Variants in UNC45A observed in about 807,000 individuals in gnomAD.
UNC45A encodes protein unc-45 homolog A.
UNC45A carries 78 observed loss-of-function variants against 103.2 expected under a neutral mutation model. That is an observed-to-expected ratio of 0.76 (90% CI 0.63 to 0.91). The LOEUF (loss-of-function observed/expected upper bound fraction) is 0.91, where lower values mean the gene tolerates loss of function less well. Among genes scored for constraint, UNC45A ranks in the 40% least tolerant of loss-of-function variants. The probability of loss-of-function intolerance (pLI) is 0.00; values close to 1 mark genes in which losing one functional copy is unlikely to be tolerated. For synonymous variants in UNC45A, 495 were observed against 504.6 expected (o/e 0.98, Z 0.25); for missense variants, 1,193 against 1,224.8 (o/e 0.97, Z 0.39).
chr15:90,940,033 G>C (rs951541064), intron 5 of UNC45A, among the ~76,000 whole-genome samples: 6 of 152,354 alleles, frequency 3.9e-5, no homozygotes, highest in East Asian at 1.9e-4. Context: ...GCCACGCCCT[G>C]TGCCAGGAAC....
chr15:90,950,103 G>T (rs567745493), intron 15 of UNC45A, 51 bp from the exon 16 acceptor site: 8 of 1,523,230 alleles, frequency 5.3e-6, no homozygotes, highest in Non-Finnish European at 7.1e-6. Flanking sequence ...CCCGATGGTC[G>T]GGGTCTTACT....
At chr15:90,933,264 C>A (rs534211702), upstream of UNC45A, 1 of 152,334 alleles carries the variant, frequency 6.6e-6, no homozygotes, top group African/African-American at 2.4e-5. Context: ...AGTCTCTAGG[C>A]ATCTTCTGTG....
upstream of UNC45A, chr15:90,930,784 A>G (rs1451976251): frequency 5.8e-6 from 1 of 173,778 alleles, no homozygotes; most frequent in Non-Finnish European, 1.3e-5. Context: ...TGTCACTGAC[A>G]AGGAAGCCAG....
chr15:90,934,238 C>T (rs1015708144), upstream of UNC45A: 4 of 399,246 alleles, frequency 1.0e-5, no homozygotes, highest in African/African-American at 8.2e-5. Flanking sequence ...GGCATCTTTT[C>T]TTCTGGTAGG....
At position 90,943,181 on chromosome 15, in the gene UNC45A, T is replaced by C. The variant is rs192790228; in HGVS notation, c.1027+99T>C. 19 of 1,403,372 alleles carry C rather than the reference T, an allele frequency of 1.4e-5. No individual in the cohort carries two copies. The East Asian group carries it at 4.1e-4, about 30-fold the overall frequency. 86.9% of individuals were successfully genotyped at this position (1,403,372 alleles called of 1,614,324 possible). On this transcript the variant is annotated intron_variant, in intron 8 of 19. Coordinates refer to ENST00000418476, the MANE Select transcript of UNC45A (RefSeq NM_018671.5). ...TGTGAGTGGGGCCAGGCATGGTGGA[T>C]GACACACTTTGAGAGGCAGGGGGTC...
Position 90,947,556 on chromosome 15 carries a change from C to T in UNC45A, c.1501-240C>T, listed in dbSNP as rs186825364. 51 of 555,500 alleles carry T rather than the reference C, an allele frequency of 9.2e-5. 1 individual carries two copies. Among genetic ancestry groups the T allele is most frequent in the African/African-American group, 8.3e-4 (44 of 53,180 alleles). 34.4% of individuals were successfully genotyped at this position (555,500 alleles called of 1,614,324 possible). A position where few individuals can be genotyped will look rare whatever the true frequency, so the allele number is the denominator to read the frequency against. ...GTGGCCTGGGAAGGGGTGGGGCCCA[C>T]GACTGTCCAGCGGCCAGCGCATCAG... On this transcript the variant is annotated intron_variant, in intron 10 of 19. Coordinates refer to ENST00000418476, the MANE Select transcript of UNC45A (RefSeq NM_018671.5).
chr15:90,947,893 G>C lies in UNC45A; in HGVS notation c.1595+3G>C. 6.2e-7 allele frequency: 1 copy of C among 1,612,822 alleles called. No individual in the cohort carries two copies. The highest frequency in any genetic ancestry group is 8.5e-7 in the Non-Finnish European group (1 of 1,179,388). ...AAACTGGCTAAGCAGTGTCGAAAGT[G>C]AGTCATCTGGCCTTGCTGTGGTTCC... On this transcript the variant is annotated splice_donor_region_variant and intron_variant, in intron 11 of 19. Transcript: ENST00000418476.
Position 90,949,863 on chromosome 15 carries a change from GT to G in UNC45A, c.2073+144del, listed in dbSNP as rs985099029. 104 of 931,286 alleles carry G rather than the reference GT, an allele frequency of 1.1e-4. No individual in the cohort carries two copies. In the Middle Eastern group the frequency reaches 1.3e-3, roughly 11 times the overall value. The allele number at this position is 931,286 out of a possible 1,614,324, so 57.7% of individuals were successfully genotyped here. A position where few individuals can be genotyped will look rare whatever the true frequency, so the allele number is the denominator to read the frequency against. On this transcript the variant is annotated intron_variant, in intron 15 of 19. Transcript: ENST00000418476. The stretch of plus-strand genomic sequence containing the variant: ...AGAGGAACACCGTCCCGCTGAGAGA[GT>G]GACGCGGAAGCAGGCAAGCTCCTTG...
chr15:90,946,961 T>G (rs1350091565), intron 10 of UNC45A, 47 bp downstream of exon 10: 2 of 1,566,030 alleles, frequency 1.3e-6, no homozygotes, highest in Admixed American at 1.7e-5. Context: ...CAGGCAGGGG[T>G]CCTGGTCCAG....
chr15:90,935,015 T>C, upstream of UNC45A: 1 of 553,728 alleles, frequency 1.8e-6, no homozygotes, highest in South Asian at 2.2e-5. Context: ...GTAGACCTCG[T>C]GCACTTCTGC....
At chr15:90,948,112 A>T in intron 11 of UNC45A, 30 bp from the exon 12 acceptor site, 3 of 1,612,536 alleles carry the variant, frequency 1.9e-6, no homozygotes, top group Middle Eastern at 1.7e-4. Context: ...CCCAATCCTG[A>T]GGGTCGTCCA....
upstream of UNC45A, chr15:90,935,229 A>G (rs1270346359): frequency 1.6e-6 from 2 of 1,265,042 alleles, no homozygotes; most frequent in Non-Finnish European, 2.2e-6. Flanking sequence ...CCTCCGACGC[A>G]AGAGTGGGGC....
upstream of UNC45A, chr15:90,931,432 T>C: frequency 6.2e-7 from 1 of 1,608,792 alleles, no homozygotes; most frequent in African/African-American, 1.3e-5. Context: ...AGAAACTTGC[T>C]AGCGTGATGT....
chr15:90,931,311 T>C, upstream of UNC45A: 3 of 1,551,202 alleles, frequency 1.9e-6, no homozygotes, highest in Non-Finnish European at 1.7e-6. Flanking sequence ...ACAGATGCTT[T>C]AGAGCCTCTT....
intron 13 of UNC45A, 69 bp from the exon 14 acceptor site, chr15:90,949,247 C>G: frequency 6.5e-7 from 1 of 1,549,842 alleles, no homozygotes; most frequent in Non-Finnish European, 8.7e-7. Flanking sequence ...TCAATTACTG[C>G]TGTGAGAAGG....
upstream of UNC45A, chr15:90,932,381 C>T: frequency 8.5e-7 from 1 of 1,183,250 alleles, no homozygotes; most frequent in Non-Finnish European, 1.1e-6. Context: ...CTTCCCAGTC[C>T]CCACCACCCA....
At chr15:90,935,019 C>T, upstream of UNC45A, 1 of 560,866 alleles carries the variant, frequency 1.8e-6, no homozygotes, top group Non-Finnish European at 3.1e-6. Context: ...ACCTCGTGCA[C>T]TTCTGCTGCG....
intron 4 of UNC45A, among the ~76,000 whole-genome samples, chr15:90,938,809 T>C (rs1172877934): frequency 6.6e-6 from 1 of 151,994 alleles, no homozygotes; most frequent in Non-Finnish European, 1.5e-5. Context: ...GTAGCTGGGA[T>C]TACAGGCACC....
chr15:90,944,651 G>A (rs1191660503), intron 8 of UNC45A, among the ~76,000 whole-genome samples: 2 of 152,140 alleles, frequency 1.3e-5, no homozygotes, highest in East Asian at 1.9e-4. Flanking sequence ...GCTCCAGAGC[G>A]TTTGGCCCCA....
Sources: gnomAD v4.1 joint callset for allele counts (sites outside exome capture counted in the v4.1 genomes callset) on GRCh38, gnomAD v4.1.1 for gene constraint, MANE v1.5 for transcripts, NCBI Gene and HGNC (gene_info 2026-07-23, HGNC 2026-07-21) for gene names.